PDK3: variants seen among roughly 807,000 people sequenced by gnomAD.
The protein encoded by PDK3 is pyruvate dehydrogenase kinase 3, also known as pyruvate dehydrogenase kinase, isozyme 3.
In PDK3, 12 loss-of-function variants were observed where a neutral mutation model predicts 32.0. The ratio of observed to expected loss-of-function variants is 0.37; its 90% confidence interval spans 0.24 to 0.61. The LOEUF is 0.61. PDK3 is among the 20% of genes least tolerant of loss of function. The pLI, the probability that PDK3 is intolerant of heterozygous loss-of-function variation, is 0.65. For synonymous variants in PDK3, 122 were observed against 116.3 expected (o/e 1.05, Z -0.31); for missense variants, 188 against 316.9 (o/e 0.59, Z 3.09).
intron 1 of PDK3, among the ~76,000 whole-genome samples, chrX:24,480,126 A>T (rs1921216550): frequency 9.0e-6 from 1 of 111,307 alleles, no homozygotes. Context: ...GCATTACCAC[A>T]TCCTGAAGCA....
At chrX:24,547,917 A>G (rs1923029028) in exon 12 of PDK3, 1 of 113,256 alleles carries the variant, frequency 8.8e-6, no homozygotes, top group African/African-American at 3.2e-5. Flanking sequence ...TACAAAGGTA[A>G]AACATAAGAG....
chrX:24,543,753 T>G (rs1167554364), exon 12 of PDK3, among the ~76,000 whole-genome samples: 2 of 112,056 alleles, frequency 1.8e-5, no homozygotes, highest in African/African-American at 6.5e-5. Context: ...CCAGCCTAGT[T>G]TCATTTTTTA....
At chrX:24,493,447 C>G (rs928608651) in intron 1 of PDK3, among the ~76,000 whole-genome samples, 1 of 111,448 alleles carries the variant, frequency 9.0e-6, no homozygotes, top group African/African-American at 3.3e-5. Flanking sequence ...ACTTCTGAAT[C>G]TCTGACTTGC....
chrX:24,503,042 A>G (rs1208665188), intron 3 of PDK3, among the ~76,000 whole-genome samples: 1 of 71,440 alleles, frequency 1.4e-5, no homozygotes, highest in Non-Finnish European at 2.5e-5. Flanking sequence ...CACTTATCCA[A>G]AAAGTCTGGA....
intron 5 of PDK3, among the ~76,000 whole-genome samples, chrX:24,518,605 G>A (rs1288831387): frequency 8.9e-6 from 1 of 112,176 alleles, no homozygotes; most frequent in East Asian, 2.8e-4. Flanking sequence ...GACTGCTTGA[G>A]CCCAGGAGTT....
intron 10 of PDK3, among the ~76,000 whole-genome samples, chrX:24,533,588 A>G (rs764268090): frequency 8.9e-6 from 1 of 112,116 alleles, no homozygotes; most frequent in South Asian, 3.7e-4. Context: ...CCTGGGATGC[A>G]TGAGACTGTA....
At chrX:24,519,733 G>A (rs976794188) in intron 6 of PDK3, among the ~76,000 whole-genome samples, 1 of 111,766 alleles carries the variant, frequency 8.9e-6, no homozygotes, top group Non-Finnish European at 1.9e-5. Flanking sequence ...TTGAATTTGT[G>A]CCCATAAAAA....
At chrX:24,505,328 G>A (rs774761147) in intron 5 of PDK3, 30 bp downstream of exon 5, 19 of 1,079,245 alleles carry the variant, frequency 1.8e-5, no homozygotes, top group South Asian at 3.9e-5. Flanking sequence ...GGTATCGATC[G>A]TAGTTCAAAT....
Position 24,528,177 on chromosome X carries a change from T to G in PDK3, c.954T>G (p.Ala318=). 1 of 1,109,307 alleles carries G rather than the reference T, an allele frequency of 9.0e-7. No individual in the cohort carries two copies. Among genetic ancestry groups the G allele is most frequent in the Non-Finnish European group, 1.2e-6 (1 of 803,303 alleles). 91.4% of individuals were successfully genotyped at this position (1,109,307 alleles called of 1,213,427 possible). A position where few individuals can be genotyped will look rare whatever the true frequency, so the allele number is the denominator to read the frequency against. The change falls in exon 9 of 11, where the codon GCT becomes GCG. Residue 318 remains alanine (A), a synonymous_variant. Transcript: ENST00000379162. The part of the protein sequence containing the change: ...APRPSLEPTR[A]APLAGFGYGL... Reference sequence around the variant, plus strand: ...GACCCAGCCTGGAGCCTACCAGAGCTGCCCCTTTGGTAAGCATCTGAAAGT... The same window carrying G: ...GACCCAGCCTGGAGCCTACCAGAGCGGCCCCTTTGGTAAGCATCTGAAAGT...
chrX:24,524,611 C>T (rs1922478723), intron 6 of PDK3, among the ~76,000 whole-genome samples: 1 of 111,705 alleles, frequency 9.0e-6, no homozygotes, highest in Non-Finnish European at 1.9e-5. Context: ...TCAATATTTA[C>T]ATAGTTATAA....
At chrX:24,481,984 C>T (rs1670399012) in intron 1 of PDK3, among the ~76,000 whole-genome samples, 1 of 112,043 alleles carries the variant, frequency 8.9e-6, no homozygotes, top group Admixed American at 9.5e-5. Context: ...TTGGCCACCT[C>T]TTCCAAAGGG....
chrX:24,481,567 T>G (rs1308389266), intron 1 of PDK3, among the ~76,000 whole-genome samples: 2 of 111,694 alleles, frequency 1.8e-5, no homozygotes, highest in South Asian at 3.7e-4. Flanking sequence ...ATTTTCAGTG[T>G]TGGTGGTGGG....
At chrX:24,514,112 G>T (rs903620361) in intron 5 of PDK3, among the ~76,000 whole-genome samples, 3 of 111,954 alleles carry the variant, frequency 2.7e-5, no homozygotes, top group Non-Finnish European at 1.9e-5. Flanking sequence ...GAGTTCTGTG[G>T]TGAATTTTGA....
chrX:24,500,694 C>A (rs764276874), intron 3 of PDK3, among the ~76,000 whole-genome samples: 1 of 111,760 alleles, frequency 8.9e-6, no homozygotes, highest in African/African-American at 3.3e-5. Flanking sequence ...GAAAGGTGAG[C>A]GAGTATCATG....
At chrX:24,544,688 C>G (rs974803111) in exon 12 of PDK3, among the ~76,000 whole-genome samples, 12 of 112,086 alleles carry the variant, frequency 1.1e-4, no homozygotes, top group African/African-American at 3.9e-4. Context: ...TTGGTTGTAT[C>G]TGTCAGACAT....
At chrX:24,499,869 T>C (rs1921808932) in intron 3 of PDK3, among the ~76,000 whole-genome samples, 1 of 112,267 alleles carries the variant, frequency 8.9e-6, no homozygotes, top group South Asian at 3.7e-4. Context: ...TTTTATACTT[T>C]GTTGGGTGTT....
exon 12 of PDK3, chrX:24,549,075 C>G (rs1362108431): frequency 9.0e-6 from 1 of 111,530 alleles, no homozygotes; most frequent in Non-Finnish European, 1.9e-5. Flanking sequence ...AAGTTAATAT[C>G]CCAAATGTTT....
chrX:24,493,650 G>A (rs1019989737), intron 1 of PDK3, among the ~76,000 whole-genome samples: 1 of 111,895 alleles, frequency 8.9e-6, no homozygotes, highest in Non-Finnish European at 1.9e-5. Context: ...GAGACCGGAA[G>A]GACCAGTGTT....
At chrX:24,502,008 G>A (rs1921870155) in intron 3 of PDK3, among the ~76,000 whole-genome samples, 1 of 111,538 alleles carries the variant, frequency 9.0e-6, no homozygotes. Flanking sequence ...TTCTGATGGG[G>A]TGCTAGTTTT....
Sources: allele counts gnomAD v4.1 joint callset (sites outside exome capture counted in the v4.1 genomes callset), GRCh38; gene constraint gnomAD v4.1.1; transcripts MANE v1.5; gene names NCBI Gene and HGNC (gene_info 2026-07-23, HGNC 2026-07-21).